ZNF525: variants seen among roughly 807,000 people sequenced by gnomAD.
ZNF525 encodes the protein zinc finger protein 525.
ZNF525 carries 33 observed loss-of-function variants against 37.6 expected under a neutral mutation model. The observed-to-expected ratio is 0.88, with a 90% CI of 0.67 to 1.17. ZNF525 has a LOEUF of 1.17. Among genes scored for constraint, ZNF525 ranks in the 50% most tolerant of loss-of-function variants. The pLI is 0.00. For missense variants in ZNF525, 449 were observed against 543.1 expected (o/e 0.83, Z 1.72); for synonymous variants, 170 against 182.3 (o/e 0.93, Z 0.54).
In ZNF525 at chr19:53,367,314, T is replaced by TGTG. The variant is rs35101133; in HGVS notation, c.-68+1555_-68+1556insGTG. Among the ~76,000 whole-genome samples the TGTG allele has an allele frequency of 1.1e-4, 15 of 136,844 alleles. No individual in the cohort carries two copies. The East Asian group carries it at 1.6e-3, about 14-fold the overall frequency. 89.8% of individuals were successfully genotyped at this position (136,844 alleles called of 152,430 possible). On this transcript the variant is annotated intron_variant, in intron 1 of 3. Transcript: ENST00000474037. ...ACTATTCTTGGAGTGAATGAATACA[T>TGTG]TTTTTTTTTTAAATTTCTGCTTCAG...
chr19:53,383,335 A>C lies in ZNF525; in HGVS notation c.*1316A>C, dbSNP rs2085581691. 1 of 1,353,376 alleles carries C rather than the reference A, an allele frequency of 7.4e-7. No individual in the cohort carries two copies. The highest frequency in any genetic ancestry group is 1.0e-6 in the Non-Finnish European group (1 of 981,238). The allele number at this position is 1,353,376 out of a possible 1,614,324, so 83.8% of individuals were successfully genotyped here. A position where few individuals can be genotyped will look rare whatever the true frequency, so the allele number is the denominator to read the frequency against. On this transcript the variant is annotated 3_prime_UTR_variant, in exon 4 of 4. Transcript: ENST00000474037. Reference sequence around the variant, plus strand: ...AGAAACAAGCGTAATGAATGTGGCGAGGTTTTCAATCAACAAGCACACGTT... The same window carrying C: ...AGAAACAAGCGTAATGAATGTGGCGCGGTTTTCAATCAACAAGCACACGTT...
At chr19:53,376,021 C>T in intron 3 of ZNF525, 125 bp downstream of exon 3, 1 of 1,564,148 alleles carries the variant, frequency 6.4e-7, no homozygotes, top group Non-Finnish European at 8.6e-7. Flanking sequence ...GATCATGGCT[C>T]ACTGCAATCT....
chr19:53,382,552 A>T lies in ZNF525; in HGVS notation c.*533A>T. ...CATGCCATCATAGACGTCATACTGG[A>T]GAGAAACCTTAGAAGTGCAATGAGT... On this transcript the variant is annotated 3_prime_UTR_variant, in exon 4 of 4. Coordinates refer to ENST00000474037, the MANE Select transcript of ZNF525 (RefSeq NM_001348156.2). 1.5e-6 allele frequency: 1 copy of T among 666,054 alleles called. No homozygotes were observed. Among genetic ancestry groups the T allele is most frequent in the Non-Finnish European group, 2.8e-6 (1 of 356,296 alleles). 41.3% of individuals were successfully genotyped at this position (666,054 alleles called of 1,614,324 possible).
rs769802359 is a variant in ZNF525 at position 53,381,824 on chromosome 19, A to T, written c.1245A>T (p.Glu415Asp). ...HTGEKPYKCE[E>D]CDEAFRFKSS... ...GAGAGAAACCTTACAAGTGTGAAGA[A>T]TGTGATGAAGCTTTCCGTTTCAAAT... The change falls in exon 4 of 4, where the codon GAA becomes GAT. Residue 415 changes from glutamate (E) to aspartate (D), a missense_variant. By Grantham distance (45) the Glu-to-Asp change is conservative (BLOSUM62 2). Around this residue, in one of 2 missense-constraint regions of ZNF525, gnomAD observed 178 missense variants for 161.5 expected, o/e 1.10. Coordinates refer to ENST00000474037, the MANE Select transcript of ZNF525 (RefSeq NM_001348156.2). The T allele has an allele frequency of 9.4e-7, 1 of 1,058,526 alleles. No homozygotes were observed. The highest frequency in any genetic ancestry group is 1.7e-5 in the Admixed American group (1 of 59,322). 65.6% of individuals were successfully genotyped at this position (1,058,526 alleles called of 1,614,324 possible).
chr19:53,365,988 T>G (rs1371220964), intron 1 of ZNF525, among the ~76,000 whole-genome samples: 1 of 152,024 alleles, frequency 6.6e-6, no homozygotes, highest in African/African-American at 2.4e-5. Flanking sequence ...TATATACACT[T>G]TCTATCGCGT....
Position 53,381,559 on chromosome 19 carries a change from A to C in ZNF525, c.980A>C (p.His327Pro). 1.7e-6 allele frequency: 2 copies of C among 1,185,914 alleles called. No homozygotes were observed. The highest frequency in any genetic ancestry group is 2.5e-6 in the Non-Finnish European group (2 of 788,752). The allele number at this position is 1,185,914 out of a possible 1,614,324, so 73.5% of individuals were successfully genotyped here. The change falls in exon 4 of 4, where the codon CAT becomes CCT. Residue 327 changes from histidine (H) to proline (P), a missense_variant. His to Pro is a moderately conservative substitution (Grantham distance 77). Coordinates refer to ENST00000474037, the MANE Select transcript of ZNF525 (RefSeq NM_001348156.2). Reference sequence around the variant, plus strand: ...AGAATTCATACTGGAGAGAAACCACATAAGTGTAATGAGTGTGGCAAGACC... The same window carrying C: ...AGAATTCATACTGGAGAGAAACCACCTAAGTGTAATGAGTGTGGCAAGACC... ...HRRIHTGEKP[H>P]KCNECGKTFS... is the part of the protein sequence containing the mutation.
intron 1 of ZNF525, among the ~76,000 whole-genome samples, chr19:53,369,715 C>CT (rs57431960): frequency 0.022 from 1,821 of 81,158 alleles, 277 homozygotes; most frequent in African/African-American, 0.044. Flanking sequence ...AAAGAAGTTT[C>CT]TTTTTTTTTT....
In ZNF525 at chr19:53,382,752, A is replaced by G. The variant is rs1568763925; in HGVS notation, c.*733A>G. ...CCTTACAAGTGTGATAAATGTGACA[A>G]ATTTTTCAGACATCGTTCATACCTT... On this transcript the variant is annotated 3_prime_UTR_variant, in exon 4 of 4. Coordinates refer to ENST00000474037, the MANE Select transcript of ZNF525 (RefSeq NM_001348156.2). 4 of 897,900 alleles carry G rather than the reference A, an allele frequency of 4.5e-6. No individual in the cohort carries two copies. The highest frequency in any genetic ancestry group is 5.4e-6 in the Non-Finnish European group (3 of 552,566). The allele number at this position is 897,900 out of a possible 1,614,324, so 55.6% of individuals were successfully genotyped here. A position where few individuals can be genotyped will look rare whatever the true frequency, so the allele number is the denominator to read the frequency against.
At chr19:53,380,322 T>A (rs1379471295) in intron 3 of ZNF525, among the ~76,000 whole-genome samples, 3 of 152,184 alleles carry the variant, frequency 2.0e-5, no homozygotes, top group African/African-American at 7.2e-5. Context: ...TTTCCATTGA[T>A]TTTGGTTATC....
At chr19:53,371,325 A>G (rs572737987) in intron 1 of ZNF525, among the ~76,000 whole-genome samples, 5 of 151,514 alleles carry the variant, frequency 3.3e-5, no homozygotes, top group Admixed American at 2.0e-4. Context: ...CAGCCTCCCA[A>G]TTAGCTGAGA....
At chr19:53,372,139 C>T in intron 1 of ZNF525, 76 bp from the exon 2 acceptor site, 1 of 550,568 alleles carries the variant, frequency 1.8e-6, no homozygotes, top group Non-Finnish European at 3.3e-6. Context: ...GTGAGGTCTC[C>T]TTTGTATGTG....
chr19:53,367,755 C>T (rs1193112974), intron 1 of ZNF525, among the ~76,000 whole-genome samples: 2 of 152,134 alleles, frequency 1.3e-5, no homozygotes, highest in African/African-American at 2.4e-5. Context: ...TTAGATTAAA[C>T]TTTCTACATA....
rs1480987854 is a variant in ZNF525, at chr19:53,381,231, A to G, written c.652A>G (p.Ile218Val). 4 of 1,350,908 alleles carry G rather than the reference A, an allele frequency of 3.0e-6. No homozygotes were observed. Among genetic ancestry groups the G allele is most frequent in the Non-Finnish European group, 4.3e-6 (4 of 939,894 alleles). 83.7% of individuals were successfully genotyped at this position (1,350,908 alleles called of 1,614,324 possible). A position where few individuals can be genotyped will look rare whatever the true frequency, so the allele number is the denominator to read the frequency against. Residue 218 changes from isoleucine (I) to valine (V), a missense_variant, in exon 4 of 4, where the codon ATT becomes GTT. Ile to Val is a conservative substitution (Grantham distance 29). This residue lies in a region of ZNF525 where 271 missense variants were observed against 381.6 expected (regional missense o/e 0.71). Coordinates refer to ENST00000474037, the MANE Select transcript of ZNF525 (RefSeq NM_001348156.2). ...CATGAGAGAAAAATCTTTCCAATGT[A>G]TTGAGAGTGGCAAAGCCTTTAATTA... The part of the protein sequence containing the change: ...VRMREKSFQC[I>V]ESGKAFNYSS...
intron 3 of ZNF525, among the ~76,000 whole-genome samples, chr19:53,380,016 T>TA (rs199759507): frequency 8.0e-5 from 12 of 149,300 alleles, no homozygotes; most frequent in South Asian, 2.1e-4. Context: ...AATACAAAAA[T>TA]AAAAAAAAAA....
At chr19:53,366,888 A>G (rs1246277189) in intron 1 of ZNF525, among the ~76,000 whole-genome samples, 1 of 152,130 alleles carries the variant, frequency 6.6e-6, no homozygotes, top group Non-Finnish European at 1.5e-5. Flanking sequence ...AGAGAGACTG[A>G]TATGGGGGAG....
In ZNF525 at chr19:53,366,504, G is replaced by A. The variant is rs112853649; in HGVS notation, c.-68+745G>A. Among the ~76,000 whole-genome samples the A allele has an allele frequency of 1.4e-3, 214 of 150,188 alleles. 1 individual carries two copies. Among genetic ancestry groups the A allele is most frequent in the Non-Finnish European group, 2.5e-3 (169 of 67,824 alleles). On this transcript the variant is annotated intron_variant, in intron 1 of 3. Coordinates refer to ENST00000474037, the MANE Select transcript of ZNF525 (RefSeq NM_001348156.2). ...GGCCCATAACAGATGGCAAAGTAGA[G>A]GATGGGTGAGGGATTTGCCAAGAGA...
chr19:53,377,312 G>A (rs548307488), intron 3 of ZNF525, among the ~76,000 whole-genome samples: 1 of 151,956 alleles, frequency 6.6e-6, no homozygotes, highest in Non-Finnish European at 1.5e-5. Flanking sequence ...CGAGTAGCTG[G>A]GATTATAGGC....
chr19:53,371,478 TCTC>T (rs1240310556), intron 1 of ZNF525, among the ~76,000 whole-genome samples: 1 of 152,124 alleles, frequency 6.6e-6, no homozygotes, highest in Non-Finnish European at 1.5e-5. Context: ...TTCAAGCGAT[TCTC>T]CTGCCTCAGT....
Position 53,385,057 on chromosome 19 carries a change from C to A in ZNF525, c.*3038C>A. The stretch of plus-strand genomic sequence containing the variant: ...TGTGGTTTTAATCTTTCATTCTGTT[C>A]TAGTGGTATATAACATTGATTTGCT... On this transcript the variant is annotated 3_prime_UTR_variant, in exon 4 of 4. Coordinates refer to ENST00000474037, the MANE Select transcript of ZNF525 (RefSeq NM_001348156.2). 2.9e-6 allele frequency: 2 copies of A among 684,758 alleles called. No homozygotes were observed. Among genetic ancestry groups the A allele is most frequent in the South Asian group, 3.1e-5 (2 of 63,700 alleles). 42.4% of individuals were successfully genotyped at this position (684,758 alleles called of 1,614,324 possible).
Sources: allele counts gnomAD v4.1 joint callset (sites outside exome capture counted in the v4.1 genomes callset), GRCh38; gene constraint gnomAD v4.1.1; regional missense constraint gnomAD v4.1.1; transcripts MANE v1.5; gene names NCBI Gene and HGNC (gene_info 2026-07-23, HGNC 2026-07-21).